NEGR1: variants seen among roughly 807,000 people sequenced by gnomAD.
The protein encoded by NEGR1 is IgLON family member 4.
In NEGR1, 10 loss-of-function variants were observed where a neutral mutation model predicts 40.9. That is an observed-to-expected ratio of 0.24 (90% CI 0.15 to 0.42). The LOEUF (loss-of-function observed/expected upper bound fraction) is 0.42. Among genes scored for constraint, NEGR1 ranks in the 10% least tolerant of loss-of-function variants. The pLI is 1.00. For missense variants in NEGR1, 352 were observed against 438.9 expected, an observed-to-expected ratio of 0.80 and a Z score of 1.77; for synonymous variants, 185 against 166.8, an observed-to-expected ratio of 1.11 and a Z score of -0.84.
intron 1 of NEGR1, among the ~76,000 whole-genome samples, chr1:72,124,731 C>G (rs953656431): frequency 3.3e-5 from 5 of 151,946 alleles, no homozygotes; most frequent in Admixed American, 1.3e-4. Context: ...GCATTGGATA[C>G]TTTTCATTGG....
At chr1:71,587,018 C>A (rs1035266804) in intron 6 of NEGR1, among the ~76,000 whole-genome samples, 1 of 152,048 alleles carries the variant, frequency 6.6e-6, no homozygotes. Context: ...CAATAATCAC[C>A]AAGTCTAAAT....
intron 1 of NEGR1, among the ~76,000 whole-genome samples, chr1:72,089,466 A>C (rs1387757986): frequency 2.0e-5 from 3 of 152,244 alleles, no homozygotes; most frequent in Non-Finnish European, 4.4e-5. Flanking sequence ...ATTTCCAAGC[A>C]TGATCATAAC....
chr1:71,421,441 T>C (rs1468425835), intron 6 of NEGR1: 2 of 152,090 alleles, frequency 1.3e-5, no homozygotes, highest in Admixed American at 6.6e-5. Context: ...GGAAAAAGGA[T>C]TAAGAGAACC....
chr1:71,686,270 C>A (rs927042230), intron 4 of NEGR1, among the ~76,000 whole-genome samples: 1 of 151,856 alleles, frequency 6.6e-6, no homozygotes, highest in Admixed American at 6.6e-5. Flanking sequence ...ACTTTGGGAA[C>A]AAATAGACTC....
At chr1:71,699,493 C>T (rs1419374162) in intron 3 of NEGR1, among the ~76,000 whole-genome samples, 1 of 151,638 alleles carries the variant, frequency 6.6e-6, no homozygotes, top group African/African-American at 2.4e-5. Flanking sequence ...CTTATTTTCA[C>T]TATTATAACG....
intron 1 of NEGR1, among the ~76,000 whole-genome samples, chr1:71,936,282 T>C (rs906827248): frequency 2.6e-5 from 4 of 152,228 alleles, no homozygotes; most frequent in African/African-American, 9.6e-5. Flanking sequence ...AATTTATTGA[T>C]CAATACTTTT....
chr1:71,427,432 A>G (rs1314575363), intron 6 of NEGR1, among the ~76,000 whole-genome samples: 1 of 152,208 alleles, frequency 6.6e-6, no homozygotes, highest in Non-Finnish European at 1.5e-5. Context: ...ATCTATTTGG[A>G]AATATACATC....
At chr1:71,684,260 G>A (rs1335169991) in intron 4 of NEGR1, among the ~76,000 whole-genome samples, 6 of 151,798 alleles carry the variant, frequency 4.0e-5, no homozygotes, top group Non-Finnish European at 7.4e-5. Flanking sequence ...GACACAGCAA[G>A]ACTCCATCTC....
chr1:72,224,363 G>A (rs2100488008), intron 1 of NEGR1, among the ~76,000 whole-genome samples: 1 of 151,738 alleles, frequency 6.6e-6, no homozygotes, highest in Non-Finnish European at 1.5e-5. Context: ...GTGATGAGGG[G>A]AGATAGGAAA....
At chr1:71,943,233 C>A (rs1189892602) in intron 1 of NEGR1, among the ~76,000 whole-genome samples, 2 of 147,000 alleles carry the variant, frequency 1.4e-5, no homozygotes, top group Non-Finnish European at 3.0e-5. Context: ...TATGTATATA[C>A]TCACACATAC....
chr1:71,423,820 CCCA>C (rs956073049), intron 6 of NEGR1, among the ~76,000 whole-genome samples: 8 of 148,986 alleles, frequency 5.4e-5, no homozygotes, highest in African/African-American at 2.0e-4. Flanking sequence ...CTCCTCCTCA[CCCA>C]CCCCCCCTTT....
intron 5 of NEGR1, among the ~76,000 whole-genome samples, chr1:71,597,430 ATGTCTC>A (rs1161486785): frequency 1.7e-5 from 1 of 58,880 alleles, no homozygotes; most frequent in African/African-American, 5.7e-5. Context: ...ATATATATAT[ATGTCTC>A]TCTCTCTCTC....
intron 2 of NEGR1, among the ~76,000 whole-genome samples, chr1:71,784,616 G>T (rs1256176103): frequency 6.6e-6 from 1 of 152,134 alleles, no homozygotes. Context: ...ACTCTGAGAA[G>T]AATGAACCCT....
chr1:72,089,857 A>G, intron 1 of NEGR1, among the ~76,000 whole-genome samples: 1 of 152,158 alleles, frequency 6.6e-6, no homozygotes, highest in East Asian at 1.9e-4. Flanking sequence ...TGTTGAGATA[A>G]GAAATACTGA....
intron 6 of NEGR1, among the ~76,000 whole-genome samples, chr1:71,480,792 T>A (rs1388235381): frequency 6.6e-6 from 1 of 151,898 alleles, no homozygotes; most frequent in East Asian, 1.9e-4. Flanking sequence ...TTATGCTTAA[T>A]ACCTTACATA....
intron 1 of NEGR1, among the ~76,000 whole-genome samples, chr1:71,953,569 T>C (rs928521779): frequency 4.6e-5 from 7 of 152,008 alleles, no homozygotes; most frequent in African/African-American, 1.7e-4. Flanking sequence ...GACTCCAATT[T>C]TGAAAGTTCT....
At chr1:71,721,765 T>C (rs1042685881) in intron 3 of NEGR1, among the ~76,000 whole-genome samples, 2 of 152,014 alleles carry the variant, frequency 1.3e-5, no homozygotes, top group Non-Finnish European at 2.9e-5. Flanking sequence ...TGAAGTAAAA[T>C]GATGTGATAG....
At chr1:71,619,094 T>G (rs532782777) in intron 4 of NEGR1, among the ~76,000 whole-genome samples, 1 of 152,310 alleles carries the variant, frequency 6.6e-6, no homozygotes, top group South Asian at 2.1e-4. Context: ...TATGGTCATT[T>G]ATTTCCCTGG....
chr1:71,563,861 T>A (rs1262050510), intron 6 of NEGR1, among the ~76,000 whole-genome samples: 1 of 151,796 alleles, frequency 6.6e-6, no homozygotes, highest in Admixed American at 6.6e-5. Flanking sequence ...CCTAGCAGGT[T>A]GACACAATTT....
Sources: allele counts gnomAD v4.1 joint callset (sites outside exome capture counted in the v4.1 genomes callset), GRCh38; gene constraint gnomAD v4.1.1; transcripts MANE v1.5; gene names NCBI Gene and HGNC (gene_info 2026-07-23, HGNC 2026-07-21).